The following SMUG1 variants were observed in gnomAD, a reference collection of about 807,000 sequenced individuals.
SMUG1 encodes single-strand selective monofunctional uracil DNA glycosylase.
In SMUG1, 13 loss-of-function variants were observed where a neutral mutation model predicts 23.9. That is an observed-to-expected ratio of 0.54 (90% CI 0.35 to 0.86). The LOEUF is 0.86. Among genes scored for constraint, SMUG1 ranks in the 40% least tolerant of loss-of-function variants. The probability of loss-of-function intolerance (pLI) is 0.01; values close to 1 mark genes in which losing one functional copy is unlikely to be tolerated. For missense variants in SMUG1, 313 were observed against 339.5 expected, an observed-to-expected ratio of 0.92 and a Z score of 0.61; for synonymous variants, 133 against 139.8, an observed-to-expected ratio of 0.95 and a Z score of 0.34.
Position 54,181,838 on chromosome 12 carries a change from A to T in SMUG1, c.*258T>A. ...AAGTGCAAAAGCACACCTTCTGCAG[A>T]TTCCCTACAAAGTGGGGTCCCCTGA... On this transcript the variant is annotated 3_prime_UTR_variant, in exon 4 of 4. Transcript: ENST00000682136. The T allele has an allele frequency of 7.0e-7, 1 of 1,422,180 alleles. No homozygotes were observed. The highest frequency in any genetic ancestry group is 9.1e-7 in the Non-Finnish European group (1 of 1,093,802). 88.1% of individuals were successfully genotyped at this position (1,422,180 alleles called of 1,614,324 possible).
rs1161157773 is a variant in SMUG1, at chr12:54,180,401, A to T, written c.*1695T>A. The stretch of plus-strand genomic sequence containing the variant: ...GGCCAAATTCTTTATTATACAATGA[A>T]GTAGGGGAGGATTTATATGAAAAAT... On this transcript the variant is annotated 3_prime_UTR_variant, in exon 4 of 4. Coordinates refer to ENST00000682136, the MANE Select transcript of SMUG1 (RefSeq NM_001243787.2). 1 of 152,242 alleles carries T rather than the reference A, an allele frequency of 6.6e-6. No individual in the cohort carries two copies. The highest frequency in any genetic ancestry group is 1.5e-5 in the Non-Finnish European group (1 of 68,038). The allele number at this position is 152,242 out of a possible 1,614,324, so 9.4% of individuals were successfully genotyped here. A position where few individuals can be genotyped will look rare whatever the true frequency, so the allele number is the denominator to read the frequency against.
chr12:54,183,406 C>T (rs570253234), intron 3 of SMUG1: 30 of 572,328 alleles, frequency 5.2e-5, no homozygotes, highest in Non-Finnish European at 7.8e-5. Context: ...GAAGGAAGGG[C>T]TCTCAGAGGC....
chr12:54,173,293 G>GA lies in SMUG1; in HGVS notation c.399-1185dup, dbSNP rs575827055. On this transcript the variant is annotated intron_variant and NMD_transcript_variant, in intron 2 of 4. Coordinates refer to the SMUG1 transcript ENST00000509864. Reference sequence around the variant, plus strand: ...GCATCGTGAGACGCGGGAGCAGCTGGAGAGGGAGGTTAGGGCGAGGTGCAT... The same window carrying GA: ...GCATCGTGAGACGCGGGAGCAGCTGGAAGAGGGAGGTTAGGGCGAGGTGCAT... The GA allele has an allele frequency of 7.7e-4, 119 of 154,422 alleles. 3 individuals carry two copies. The highest frequency in any genetic ancestry group is 3.3e-3 in the Middle Eastern group (1 of 302). The allele number at this position is 154,422 out of a possible 1,614,324, so 9.6% of individuals were successfully genotyped here.
downstream of SMUG1, chr12:54,162,886 C>G (rs1272170295): frequency 1.3e-5 from 2 of 152,184 alleles, no homozygotes; most frequent in African/African-American, 2.4e-5. Flanking sequence ...GGTTATTTGC[C>G]CAGGGATTTA....
intron 2 of SMUG1, among the ~76,000 whole-genome samples, chr12:54,187,562 C>T (rs561781611): frequency 6.6e-6 from 1 of 152,326 alleles, no homozygotes; most frequent in East Asian, 1.9e-4. Flanking sequence ...GACATTTAGA[C>T]ACCTGTGTTG....
chr12:54,188,295 A>AATAATAATAAATAATAAT (rs869289712), intron 1 of SMUG1, among the ~76,000 whole-genome samples: 1 of 68,900 alleles, frequency 1.5e-5, no homozygotes, highest in African/African-American at 4.4e-5. Context: ...TAATAATAAT[A>AATAATAATAAATAATAAT]AATAATAATA....
rs1249698044 is a variant in SMUG1, at chr12:54,181,899, CAGG to C, written c.*194_*196del. 3 of 1,429,912 alleles carry C rather than the reference CAGG, an allele frequency of 2.1e-6. No homozygotes were observed. The Admixed American group carries it at 8.9e-5, about 42-fold the overall frequency. 88.6% of individuals were successfully genotyped at this position (1,429,912 alleles called of 1,614,324 possible). The stretch of plus-strand genomic sequence containing the variant: ...GTTAAAAGGTAAAGAAAGCAGGAAT[CAGG>C]AGGGCAAACAGGAGTAGTGTCAAAA... On this transcript the variant is annotated 3_prime_UTR_variant, in exon 4 of 4. Transcript: ENST00000682136.
chr12:54,177,772 C>G (rs1233635186), downstream of SMUG1, among the ~76,000 whole-genome samples: 1 of 152,064 alleles, frequency 6.6e-6, no homozygotes, highest in East Asian at 1.9e-4. Flanking sequence ...GATCAGCTAC[C>G]TAAGCCCCTA....
rs1386953841 is a variant in SMUG1 at position 54,181,311 on chromosome 12, T to C, written c.*785A>G. ...GAATGGAGAGGGGCTACCCTTGTAGTGCAGTGCTGTGAATCCTCAACCCAG... is the reference window on the plus strand; with the variant it reads ...GAATGGAGAGGGGCTACCCTTGTAGCGCAGTGCTGTGAATCCTCAACCCAG... On this transcript the variant is annotated 3_prime_UTR_variant, in exon 4 of 4. Transcript: ENST00000682136. The C allele has an allele frequency of 3.7e-6, 2 of 539,858 alleles. No homozygotes were observed. Among genetic ancestry groups the C allele is most frequent in the Admixed American group, 3.1e-5 (1 of 32,170 alleles). The allele number at this position is 539,858 out of a possible 1,614,324, so 33.4% of individuals were successfully genotyped here. A position where few individuals can be genotyped will look rare whatever the true frequency, so the allele number is the denominator to read the frequency against.
intron 1 of SMUG1, among the ~76,000 whole-genome samples, 175 bp from the exon 2 acceptor site, chr12:54,188,077 C>A (rs1447613819): frequency 6.6e-6 from 1 of 151,816 alleles, no homozygotes; most frequent in Non-Finnish European, 1.5e-5. Flanking sequence ...TGTCATACTA[C>A]ATTAAGCACA....
At position 54,183,394 on chromosome 12, in the gene SMUG1, C is replaced by T. The variant is rs558046056; in HGVS notation, c.285+262G>A. The T allele has an allele frequency of 5.8e-5, 33 of 569,582 alleles. No individual in the cohort carries two copies. In the South Asian group the frequency reaches 6.2e-4, roughly 11 times the overall value. The allele number at this position is 569,582 out of a possible 1,614,324, so 35.3% of individuals were successfully genotyped here. A position where few individuals can be genotyped will look rare whatever the true frequency, so the allele number is the denominator to read the frequency against. Reference sequence around the variant, plus strand: ...TCCAGTAAAGTAAGGATGGGGCTGGCGGAAGGAAGGGCTCTCAGAGGCAAT... The same window carrying T: ...TCCAGTAAAGTAAGGATGGGGCTGGTGGAAGGAAGGGCTCTCAGAGGCAAT... On this transcript the variant is annotated intron_variant, in intron 3 of 3. Transcript: ENST00000682136.
At chr12:54,185,832 G>A (rs1038933815) in intron 2 of SMUG1, among the ~76,000 whole-genome samples, 3 of 151,894 alleles carry the variant, frequency 2.0e-5, no homozygotes, top group Admixed American at 1.3e-4. Flanking sequence ...ACAAACAGAC[G>A]TAAGGATGGA....
chr12:54,172,053 C>T (rs562936339), exon 3 of SMUG1: 3 of 455,700 alleles, frequency 6.6e-6, no homozygotes, highest in Non-Finnish European at 1.3e-5. Context: ...CCTGACTGGT[C>T]TCCCTGCTTC....
rs1332496371 is a variant in SMUG1, at chr12:54,183,884, C to T, written c.57G>A (p.Glu19=). 6.2e-7 allele frequency: 1 copy of T among 1,608,482 alleles called. No homozygotes were observed. Among genetic ancestry groups the T allele is most frequent in the South Asian group, 1.1e-5 (1 of 90,178 alleles). Residue 19 remains glutamate (E), a synonymous_variant, in exon 3 of 4, where the codon GAG becomes GAA. Coordinates refer to ENST00000682136, the MANE Select transcript of SMUG1 (RefSeq NM_001243787.2). ...CCAAGCTTCCAGGGCAGGGCTGGGG[C>T]TCCATGAGGGCACCTGCAGGCTCAT... is the stretch of plus-strand genomic sequence containing the variant. ...SIHEPAGALM[E]PQPCPGSLAE...
downstream of SMUG1, among the ~76,000 whole-genome samples, chr12:54,161,373 C>G (rs959739125): frequency 6.6e-6 from 1 of 152,182 alleles, no homozygotes; most frequent in African/African-American, 2.4e-5. The surrounding 1 kb of genome is among the most constrained non-coding windows in gnomAD (Gnocchi z 4.2). Flanking sequence ...GAGCCCCAGA[C>G]CAAGGGCCAA....
chr12:54,168,696 C>G (rs1940545426), intron 3 of SMUG1: 1 of 152,198 alleles, frequency 6.6e-6, no homozygotes, highest in African/African-American at 2.4e-5. Flanking sequence ...TGTTCCCTAC[C>G]TGGCCTGTTT....
intron 2 of SMUG1, among the ~76,000 whole-genome samples, chr12:54,187,531 A>G (rs1393377661): frequency 6.6e-6 from 1 of 152,228 alleles, no homozygotes; most frequent in East Asian, 1.9e-4. Flanking sequence ...TAGAATCTCG[A>G]GAAGTCTTGA....
downstream of SMUG1, among the ~76,000 whole-genome samples, chr12:54,176,613 T>A (rs1237649415): frequency 6.9e-6 from 1 of 145,964 alleles, no homozygotes; most frequent in Non-Finnish European, 1.5e-5. Flanking sequence ...AAGACCATCC[T>A]GGCTAACACG....
chr12:54,168,081 C>T (rs549148103), intron 3 of SMUG1, among the ~76,000 whole-genome samples: 4 of 152,330 alleles, frequency 2.6e-5, no homozygotes, highest in Admixed American at 2.0e-4. Flanking sequence ...AGAGCCCCAC[C>T]TCCCCAAGTC....
Sources: gnomAD v4.1 joint callset for allele counts (sites outside exome capture counted in the v4.1 genomes callset) on GRCh38, gnomAD v4.1.1 for gene constraint, Gnocchi (gnomAD v3.1) non-coding constraint, MANE v1.5 for transcripts, NCBI Gene and HGNC (gene_info 2026-07-23, HGNC 2026-07-21) for gene names.